The following TTC6 variants were observed in gnomAD, a reference collection of about 807,000 sequenced individuals.
TTC6 encodes tetratricopeptide repeat protein 6.
In TTC6, 172 loss-of-function variants were observed where a neutral mutation model predicts 210.4. The observed-to-expected ratio is 0.82, with a 90% CI of 0.72 to 0.93. The LOEUF is 0.93. Ranked by LOEUF, TTC6 falls within the 40% of genes least tolerant of loss-of-function variation. The pLI, the probability that TTC6 is intolerant of heterozygous loss-of-function variation, is 0.00. For missense variants in TTC6, 2,414 were observed against 2,318.1 expected, an observed-to-expected ratio of 1.04 and a Z score of -0.85; for synonymous variants, 804 against 819.6, an observed-to-expected ratio of 0.98 and a Z score of 0.32.
At chr14:37,815,574 T>C (rs890671198) in intron 25 of TTC6, among the ~76,000 whole-genome samples, 2 of 151,864 alleles carry the variant, frequency 1.3e-5, no homozygotes, top group Non-Finnish European at 2.9e-5. Context: ...AAGACTGAGA[T>C]GGAGATTGAG....
intron 2 of TTC6, among the ~76,000 whole-genome samples, chr14:37,615,399 C>T (rs117438391): frequency 0.016 from 2,385 of 152,146 alleles, 30 homozygotes; most frequent in South Asian, 0.063. Flanking sequence ...CAATCATTCT[C>T]CTTTTTCCTT....
chr14:37,829,509 CCT>C (rs1192525776), intron 29 of TTC6, among the ~76,000 whole-genome samples: 5 of 152,008 alleles, frequency 3.3e-5, no homozygotes, highest in South Asian at 2.1e-4. Context: ...GTAAACTCCT[CCT>C]CTCTCTCATT....
At chr14:37,605,832 T>C (rs2095624106) in intron 1 of TTC6, among the ~76,000 whole-genome samples, 1 of 152,116 alleles carries the variant, frequency 6.6e-6, no homozygotes, top group Admixed American at 6.5e-5. Flanking sequence ...ACACCTGCTT[T>C]AGACCAGGCT....
intron 1 of TTC6, among the ~76,000 whole-genome samples, chr14:37,645,765 A>T (rs1290345154): frequency 6.6e-6 from 1 of 152,110 alleles, no homozygotes; most frequent in Non-Finnish European, 1.5e-5. Flanking sequence ...GTATGGTAGG[A>T]GATGATGCCA....
intron 22 of TTC6, 42 bp from the exon 25 acceptor site, chr14:37,807,278 C>T (rs779494343): frequency 1.4e-6 from 2 of 1,424,482 alleles, no homozygotes; most frequent in East Asian, 5.0e-5. Flanking sequence ...GGTGCTTTTA[C>T]TAAAGCATCC....
intron 1 of TTC6, among the ~76,000 whole-genome samples, chr14:37,646,870 T>C (rs929674428): frequency 2.0e-5 from 3 of 152,180 alleles, no homozygotes; most frequent in Admixed American, 1.3e-4. Context: ...AAATACAGAA[T>C]GGGTTAAATG....
chr14:37,655,438 T>TAATG (rs1268998610), intron 1 of TTC6, among the ~76,000 whole-genome samples: 3 of 152,328 alleles, frequency 2.0e-5, no homozygotes, highest in African/African-American at 7.2e-5. Context: ...ACCATGCTAT[T>TAATG]AATGAGTCAT....
At chr14:37,635,995 A>AG (rs2095679760) in intron 1 of TTC6, among the ~76,000 whole-genome samples, 1 of 150,536 alleles carries the variant, frequency 6.6e-6, no homozygotes, top group Non-Finnish European at 1.5e-5. Context: ...AAAAAAAAAA[A>AG]AAAAAGAAAA....
intron 2 of TTC6, among the ~76,000 whole-genome samples, chr14:37,607,027 G>T (rs2095626440): frequency 6.6e-6 from 1 of 152,164 alleles, no homozygotes; most frequent in African/African-American, 2.4e-5. Flanking sequence ...TTTGACTTAG[G>T]CTACAAAGCA....
intron 14 of TTC6, among the ~76,000 whole-genome samples, chr14:37,786,844 T>C (rs143004414): frequency 2.4e-3 from 360 of 152,368 alleles, no homozygotes; most frequent in Middle Eastern, 3.4e-3. Flanking sequence ...ATCTTTATTT[T>C]ATTTCTAAAA....
At chr14:37,825,830 A>G (rs2096169758) in intron 27 of TTC6, among the ~76,000 whole-genome samples, 1 of 152,074 alleles carries the variant, frequency 6.6e-6, no homozygotes, top group Non-Finnish European at 1.5e-5. Flanking sequence ...GTGCGAACCA[A>G]ATAAATACAA....
intron 29 of TTC6, among the ~76,000 whole-genome samples, chr14:37,834,513 C>T (rs1258970057): frequency 2.0e-5 from 3 of 152,090 alleles, no homozygotes; most frequent in East Asian, 1.9e-4. Context: ...TTCTTCAGTT[C>T]CAGGATTTCT....
At chr14:37,800,287 AAAG>A (rs1392558226) in intron 20 of TTC6, among the ~76,000 whole-genome samples, 3 of 152,200 alleles carry the variant, frequency 2.0e-5, no homozygotes, top group African/African-American at 7.2e-5. Flanking sequence ...AGTTGTATGG[AAAG>A]AAGAACTAAT....
chr14:37,622,331 C>A (rs1324715911), exon 1 of TTC6: 3 of 1,533,404 alleles, frequency 2.0e-6, no homozygotes, highest in South Asian at 2.4e-5. Flanking sequence ...CGGCCGCCCT[C>A]CTGCAGGAGG....
exon 3 of TTC6, chr14:37,682,955 G>A (rs1288887135): frequency 9.8e-6 from 15 of 1,535,012 alleles, no homozygotes; most frequent in South Asian, 9.5e-5. Flanking sequence ...CCAAGTGGGT[G>A]TCTTTAACGG....
At chr14:37,804,859 A>T (rs764392949) in intron 21 of TTC6, 45 bp downstream of exon 23, 2 of 1,599,262 alleles carry the variant, frequency 1.3e-6, no homozygotes, top group East Asian at 4.5e-5. Context: ...GATTTTAGAG[A>T]CTGGTTGCTT....
At chr14:37,734,493 G>A (rs950228299) in intron 7 of TTC6, among the ~76,000 whole-genome samples, 8 of 152,086 alleles carry the variant, frequency 5.3e-5, no homozygotes, top group African/African-American at 1.9e-4. Flanking sequence ...ATTTTGGCTC[G>A]TCTTTTCATC....
chr14:37,600,247 C>A lies in TTC6; in HGVS notation c.-235+4239C>A, dbSNP rs564600768. Among the ~76,000 whole-genome samples, 3 of 152,284 alleles carry A rather than the reference C, an allele frequency of 2.0e-5. No individual in the cohort carries two copies. The South Asian group carries it at 6.2e-4, about 32-fold the overall frequency. On this transcript the variant is annotated intron_variant, in intron 1 of 2. Transcript: ENST00000556845. ...GATCCTGGCGTTTCCCCACCTGCTGCTCCTGTGTGCAAGAGCTGGGAGGCT... is the reference window on the plus strand; with the variant it reads ...GATCCTGGCGTTTCCCCACCTGCTGATCCTGTGTGCAAGAGCTGGGAGGCT...
intron 14 of TTC6, among the ~76,000 whole-genome samples, chr14:37,782,540 G>A (rs1305984381): frequency 6.6e-6 from 1 of 151,622 alleles, no homozygotes; most frequent in Non-Finnish European, 1.5e-5. Flanking sequence ...GAGACGATGG[G>A]GTTTTCTGAA....
Sources: allele counts gnomAD v4.1 joint callset (sites outside exome capture counted in the v4.1 genomes callset), GRCh38; gene constraint gnomAD v4.1.1; transcripts MANE v1.5; gene names NCBI Gene and HGNC (gene_info 2026-07-23, HGNC 2026-07-21).